The following TMEM131 variants were observed in gnomAD, a reference collection of about 807,000 sequenced individuals.
TMEM131 encodes the protein transmembrane protein 131, also known as 2610524E03Rik.
Under a neutral mutation model 211.6 loss-of-function variants are expected in TMEM131, and 66 were observed. The observed-to-expected ratio is 0.31, with a 90% CI of 0.26 to 0.38. TMEM131 has a LOEUF of 0.38. Among genes scored for constraint, TMEM131 ranks in the 10% least tolerant of loss-of-function variants. The pLI, the probability that TMEM131 is intolerant of heterozygous loss-of-function variation, is 1.00. For synonymous variants in TMEM131, 844 were observed against 841.3 expected (o/e 1.00, Z -0.06); for missense variants, 2,036 against 2,299.3 (o/e 0.89, Z 2.34).
chr2:97,927,381 T>A, intron 2 of TMEM131, 45 bp downstream of exon 2: 1 of 1,405,332 alleles, frequency 7.1e-7, no homozygotes, highest in Non-Finnish European at 9.7e-7. Context: ...TAACCAGATA[T>A]TATTCAAGGC....
chr2:97,772,524 T>C, intron 32 of TMEM131, 100 bp from the exon 33 acceptor site: 3 of 1,300,294 alleles, frequency 2.3e-6, no homozygotes, highest in Admixed American at 2.6e-5. Flanking sequence ...TGTAAAAATA[T>C]ACACATCATA....
At chr2:97,836,833 C>T (rs1682963060) in intron 8 of TMEM131, among the ~76,000 whole-genome samples, 1 of 152,124 alleles carries the variant, frequency 6.6e-6, no homozygotes. Context: ...GCTGAAGTTA[C>T]TTTCTTTCCA....
intron 40 of TMEM131, 64 bp from the exon 41 acceptor site, chr2:97,757,447 G>A: frequency 6.6e-7 from 1 of 1,504,594 alleles, no homozygotes; most frequent in East Asian, 2.3e-5. Flanking sequence ...TGGGTAAGGG[G>A]GTAAGGCTAC....
intron 1 of TMEM131, among the ~76,000 whole-genome samples, chr2:97,946,286 G>A (rs1271176949): frequency 1.3e-5 from 2 of 151,776 alleles, no homozygotes; most frequent in Non-Finnish European, 2.9e-5. Flanking sequence ...CAATAAAGTA[G>A]AAAGCAGAAA....
chr2:97,889,012 CAG>C (rs1200113699), intron 3 of TMEM131, among the ~76,000 whole-genome samples: 1 of 151,984 alleles, frequency 6.6e-6, no homozygotes, highest in Non-Finnish European at 1.5e-5. Flanking sequence ...ATTAAGGAGT[CAG>C]AGGAAATATC....
intron 2 of TMEM131, among the ~76,000 whole-genome samples, chr2:97,914,184 G>A (rs1331928931): frequency 2.0e-5 from 3 of 152,078 alleles, no homozygotes; most frequent in Non-Finnish European, 4.4e-5. Context: ...TTTGCTTCCT[G>A]TGCTTCTCTG....
rs772312678 is a variant in TMEM131 at position 97,766,543 on chromosome 2, C to A, written c.4508G>T (p.Ser1503Ile). The A allele has an allele frequency of 3.1e-6, 5 of 1,613,828 alleles. No homozygotes were observed. The highest frequency in any genetic ancestry group is 4.2e-6 in the Non-Finnish European group (5 of 1,179,878). ...CATTGCAGTTGGAAGAGGAATCTTG[C>A]TTGGGAGATTTCTACGTTGCTTACT... is the stretch of plus-strand genomic sequence containing the variant. ...LESKQRRNLP[S>I]KIPLPTAMTS... is the part of the protein sequence containing the mutation. The change falls in exon 34 of 41, where the codon AGC becomes ATC. Residue 1503 changes from serine (S) to isoleucine (I), a missense_variant. Transcript: ENST00000186436.
intron 1 of TMEM131, among the ~76,000 whole-genome samples, chr2:97,943,038 AAAGAAAGAAAGAAAGAAAG>A (rs1390264110): frequency 3.7e-5 from 1 of 27,116 alleles, no homozygotes; most frequent in East Asian, 2.1e-3. Context: ...AAAGAAAAGA[AAAGAAAGAAAGAAAGAAAG>A]AAAGAAAGAA....
At chr2:97,922,044 C>T (rs2104421669) in intron 2 of TMEM131, among the ~76,000 whole-genome samples, 1 of 152,308 alleles carries the variant, frequency 6.6e-6, no homozygotes, top group Non-Finnish European at 1.5e-5. Flanking sequence ...GCACCAGGGA[C>T]TGGTTTCATG....
intron 1 of TMEM131, among the ~76,000 whole-genome samples, chr2:97,978,280 T>C (rs930138319): frequency 2.0e-5 from 3 of 152,114 alleles, no homozygotes; most frequent in African/African-American, 7.2e-5. Context: ...ATACCCTGAA[T>C]CCTTTGCTGC....
intron 7 of TMEM131, among the ~76,000 whole-genome samples, chr2:97,840,660 C>T (rs888733942): frequency 3.9e-5 from 6 of 152,156 alleles, no homozygotes; most frequent in African/African-American, 1.2e-4. Flanking sequence ...ACAGCCAGAA[C>T]AGGGAAACTA....
intron 3 of TMEM131, among the ~76,000 whole-genome samples, chr2:97,896,880 T>A (rs1358360479): frequency 6.6e-6 from 1 of 151,952 alleles, no homozygotes; most frequent in Non-Finnish European, 1.5e-5. Context: ...AAAAAAAAAA[T>A]TGTCTGTTGA....
intron 3 of TMEM131, among the ~76,000 whole-genome samples, chr2:97,907,645 T>G (rs1017891927): frequency 6.6e-6 from 1 of 152,200 alleles, no homozygotes; most frequent in Non-Finnish European, 1.5e-5. Flanking sequence ...TTTCAGTGGA[T>G]AGTAATAATT....
At chr2:97,977,686 G>T (rs1377085425) in intron 1 of TMEM131, among the ~76,000 whole-genome samples, 1 of 152,172 alleles carries the variant, frequency 6.6e-6, no homozygotes, top group Non-Finnish European at 1.5e-5. Context: ...ACAATTATCT[G>T]AACCTTCAGC....
At chr2:97,881,207 C>T (rs1273414614) in intron 4 of TMEM131, among the ~76,000 whole-genome samples, 1 of 151,770 alleles carries the variant, frequency 6.6e-6, no homozygotes, top group Non-Finnish European at 1.5e-5. Flanking sequence ...CAGACAGTAT[C>T]TGGCATAGAA....
Position 97,801,968 on chromosome 2 carries a change from C to CA in TMEM131, c.2652-8dup, listed in dbSNP as rs1681057156. 2 of 1,593,662 alleles carry CA rather than the reference C, an allele frequency of 1.3e-6. No homozygotes were observed. Among genetic ancestry groups the CA allele is most frequent in the Non-Finnish European group, 1.7e-6 (2 of 1,165,558 alleles). ...CACCTTACTCAAGTTAAACCTAAAA[C>CA]AAAAAATGTACACATATTTATTCAT... On this transcript the variant is annotated splice_polypyrimidine_tract_variant and splice_region_variant and intron_variant, in intron 24 of 40. Coordinates refer to ENST00000186436, the MANE Select transcript of TMEM131 (RefSeq NM_015348.2).
At chr2:97,911,064 A>T (rs1343471609) in intron 2 of TMEM131, among the ~76,000 whole-genome samples, 1 of 152,210 alleles carries the variant, frequency 6.6e-6, no homozygotes, top group African/African-American at 2.4e-5. Flanking sequence ...CCAGGTGAAC[A>T]GACACATGAG....
chr2:97,921,168 G>A (rs1676725640), intron 2 of TMEM131, among the ~76,000 whole-genome samples: 1 of 152,106 alleles, frequency 6.6e-6, no homozygotes, highest in African/African-American at 2.4e-5. Flanking sequence ...AGACAAATAA[G>A]CCAAAGAAAT....
rs897783087 is a variant in TMEM131, at chr2:97,794,378, T to C, written c.3386+552A>G. On this transcript the variant is annotated intron_variant, in intron 29 of 40. Coordinates refer to ENST00000186436, the MANE Select transcript of TMEM131 (RefSeq NM_015348.2). ...AGAATGCCATCTCACATGGAGGTTT[T>C]ATATGGAGGCAATAATTATGTGTAT... Among the ~76,000 whole-genome samples the C allele has an allele frequency of 6.6e-5, 10 of 152,176 alleles. No homozygotes were observed. In the East Asian group the frequency reaches 1.9e-3, roughly 29 times the overall value.
Sources: allele counts gnomAD v4.1 joint callset (sites outside exome capture counted in the v4.1 genomes callset), GRCh38; gene constraint gnomAD v4.1.1; transcripts MANE v1.5; gene names NCBI Gene and HGNC (gene_info 2026-07-23, HGNC 2026-07-21).